Variants in ALAS2 observed in about 807,000 individuals in gnomAD.
ALAS2 encodes the protein 5-aminolevulinate synthase, erythroid-specific, mitochondrial.
Under a neutral mutation model 33.7 loss-of-function variants are expected in ALAS2, and 3 were observed. That is an observed-to-expected ratio of 0.09 (90% CI 0.04 to 0.23). The LOEUF is 0.23. ALAS2 is among the 10% of genes least tolerant of loss of function. The pLI, the probability that ALAS2 is intolerant of heterozygous loss-of-function variation, is 1.00. For missense variants in ALAS2, 304 were observed against 475.1 expected (o/e 0.64, Z 3.35); for synonymous variants, 191 against 177.3 (o/e 1.08, Z -0.61).
intron 2 of ALAS2, among the ~76,000 whole-genome samples, 191 bp from the exon 3 acceptor site, chrX:55,025,031 T>C (rs1008453975): frequency 1.8e-5 from 2 of 111,071 alleles, no homozygotes; most frequent in Non-Finnish European, 3.8e-5. Flanking sequence ...TGAAGACACA[T>C]TGTGAACAGT....
chrX:55,012,786 CTG>C (rs1479458169), intron 10 of ALAS2, among the ~76,000 whole-genome samples: 1 of 112,244 alleles, frequency 8.9e-6, no homozygotes, highest in Non-Finnish European at 1.9e-5. Flanking sequence ...GAGCCAGACT[CTG>C]TCTCAAAAAA....
rs1255257101 is a variant in ALAS2 at position 55,009,350 on chromosome X, G to A, written c.1601-7C>T. 9.2e-6 allele frequency: 11 copies of A among 1,193,414 alleles called. No individual in the cohort carries two copies. The highest frequency in any genetic ancestry group is 3.0e-5 in the East Asian group (1 of 33,261). ...CAAGCCAGCAGCAGCTTCTCTGAAGGTGGTAGGGGGAGGGGAGGGAAAAAA... is the reference window on the plus strand; with the variant it reads ...CAAGCCAGCAGCAGCTTCTCTGAAGATGGTAGGGGGAGGGGAGGGAAAAAA... On this transcript the variant is annotated splice_region_variant and splice_polypyrimidine_tract_variant and intron_variant, in intron 10 of 10. Transcript: ENST00000650242.
chrX:55,021,162 G>C lies in ALAS2; in HGVS notation c.528C>G (p.Pro176=). The part of the protein sequence containing the change: ...KTVNRWADAY[P]FAQHFSEASV... ...ATGCCTCAGAGAAATGTTGGGCAAA[G>C]GGATATGCATCAGCCCAGCGGTTCA... The change falls in exon 5 of 11, where the codon CCC becomes CCG. Residue 176 remains proline (P), a synonymous_variant. Coordinates refer to ENST00000650242, the MANE Select transcript of ALAS2 (RefSeq NM_000032.5). 1 of 1,211,407 alleles carries C rather than the reference G, an allele frequency of 8.3e-7. No individual in the cohort carries two copies. Among genetic ancestry groups the C allele is most frequent in the Non-Finnish European group, 1.1e-6 (1 of 895,074 alleles).
At chrX:55,010,494 A>G (rs1279432898) in intron 10 of ALAS2, among the ~76,000 whole-genome samples, 1 of 111,076 alleles carries the variant, frequency 9.0e-6, no homozygotes, top group East Asian at 2.8e-4. Context: ...CCACTTGCTT[A>G]TACCATTCCA....
intron 5 of ALAS2, among the ~76,000 whole-genome samples, chrX:55,020,728 A>C (rs1935790243): frequency 9.0e-6 from 1 of 110,731 alleles, no homozygotes; most frequent in Non-Finnish European, 1.9e-5. Flanking sequence ...AGCTAGGTTG[A>C]GCTTGAGTAG....
intron 4 of ALAS2, among the ~76,000 whole-genome samples, chrX:55,023,190 GGGT>G (rs1295976660): frequency 4.7e-5 from 5 of 106,515 alleles, no homozygotes; most frequent in Non-Finnish European, 9.6e-5. Context: ...AGAGAGCAGA[GGGT>G]GTGTGTGTGT....
intron 2 of ALAS2, among the ~76,000 whole-genome samples, chrX:55,025,357 C>G (rs917767733): frequency 2.7e-5 from 3 of 111,284 alleles, no homozygotes; most frequent in Non-Finnish European, 5.6e-5. Context: ...TTTTCTTTGA[C>G]AGATTCTCGC....
Position 55,018,806 on chromosome X carries a change from TA to T in ALAS2, c.824-1142del, listed in dbSNP as rs749419190. On this transcript the variant is annotated intron_variant, in intron 6 of 10. Coordinates refer to ENST00000650242, the MANE Select transcript of ALAS2 (RefSeq NM_000032.5). Reference sequence around the variant, plus strand: ...TGGGGTGACAAAGATAGTTTTGCATTAAAAAAAATTCTGACTGTTGTAAAGA... The same window carrying T: ...TGGGGTGACAAAGATAGTTTTGCATTAAAAAAATTCTGACTGTTGTAAAGA... 8.1e-5 allele frequency among the ~76,000 whole-genome samples: 9 copies of T among 110,861 alleles called. No homozygotes were observed. The South Asian group carries it at 1.9e-3, about 24-fold the overall frequency.
chrX:55,023,216 G>T (rs182984613), intron 4 of ALAS2, among the ~76,000 whole-genome samples: 39 of 110,397 alleles, frequency 3.5e-4, no homozygotes, highest in Non-Finnish European at 9.5e-5. Flanking sequence ...GTGTGTGTGT[G>T]TGTGTGTGTA....
chrX:55,010,252 A>G (rs752323069), intron 10 of ALAS2, among the ~76,000 whole-genome samples: 8 of 111,843 alleles, frequency 7.2e-5, no homozygotes, highest in African/African-American at 2.3e-4. Context: ...CTCACCTGGG[A>G]TATTACTGTA....
At chrX:55,014,111 CT>C (rs1935656632) in intron 9 of ALAS2, among the ~76,000 whole-genome samples, 1 of 111,642 alleles carries the variant, frequency 9.0e-6, no homozygotes, top group African/African-American at 3.3e-5. Flanking sequence ...AATAAGTGTC[CT>C]TTCCCTGCCC....
chrX:55,012,499 A>C lies in ALAS2; in HGVS notation c.1600+987T>G, dbSNP rs187293636. 5.3e-5 allele frequency among the ~76,000 whole-genome samples: 6 copies of C among 112,398 alleles called. No individual in the cohort carries two copies. The East Asian group carries it at 1.7e-3, about 32-fold the overall frequency. On this transcript the variant is annotated intron_variant, in intron 10 of 10. Transcript: ENST00000650242. ...TTCAATGTCAGGCCCTGCATTAAAA[A>C]CTACCCAGGCCGGGCATGGTGGCTC...
intron 10 of ALAS2, among the ~76,000 whole-genome samples, chrX:55,011,543 G>T (rs1308676318): frequency 9.0e-6 from 1 of 111,583 alleles, no homozygotes; most frequent in Non-Finnish European, 1.9e-5. Context: ...GAGCAAGAGA[G>T]AAGCAGAGAA....
chrX:55,030,104 T>A (rs1402596696), intron 1 of ALAS2, among the ~76,000 whole-genome samples: 1 of 111,289 alleles, frequency 9.0e-6, no homozygotes, highest in South Asian at 3.8e-4. Flanking sequence ...GAACTTTAGA[T>A]AACTGTAATC....
chrX:55,015,529 G>A, intron 8 of ALAS2, 49 bp downstream of exon 8: 1 of 1,193,526 alleles, frequency 8.4e-7, no homozygotes, highest in Non-Finnish European at 1.1e-6. Context: ...AATTTTGTAA[G>A]GGCCTCCTCT....
intron 10 of ALAS2, among the ~76,000 whole-genome samples, chrX:55,011,158 C>T (rs754249772): frequency 1.8e-5 from 2 of 111,696 alleles, no homozygotes; most frequent in South Asian, 7.6e-4. Context: ...GCATTGAATG[C>T]TATGCTGAAG....
At chrX:55,021,910 G>C (rs773949930) in intron 4 of ALAS2, among the ~76,000 whole-genome samples, 16 of 111,668 alleles carry the variant, frequency 1.4e-4, no homozygotes, top group Middle Eastern at 9.2e-3. Context: ...TTCTTTCCTA[G>C]GAACTTTATA....
intron 6 of ALAS2, among the ~76,000 whole-genome samples, chrX:55,019,845 A>G (rs1191622856): frequency 2.7e-5 from 3 of 111,934 alleles, no homozygotes; most frequent in African/African-American, 9.8e-5. Context: ...GAATGAGGCA[A>G]GGCTAGATAA....
chrX:55,019,830 G>T, intron 6 of ALAS2, among the ~76,000 whole-genome samples: 1 of 111,800 alleles, frequency 8.9e-6, no homozygotes, highest in East Asian at 2.8e-4. Flanking sequence ...CATTGTAAAA[G>T]GAAAGAATGA....
Sources: allele counts gnomAD v4.1 joint callset (sites outside exome capture counted in the v4.1 genomes callset), GRCh38; gene constraint gnomAD v4.1.1; transcripts MANE v1.5; gene names NCBI Gene and HGNC (gene_info 2026-07-23, HGNC 2026-07-21).